The following ADAMTS18 variants were observed in gnomAD, a reference collection of about 807,000 sequenced individuals.
ADAMTS18 encodes the protein A disintegrin and metalloproteinase with thrombospondin motifs 18.
ADAMTS18 carries 157 observed loss-of-function variants against 165.9 expected under a neutral mutation model. That is an observed-to-expected ratio of 0.95 (90% CI 0.83 to 1.08). The LOEUF is 1.08. Among genes scored for constraint, ADAMTS18 ranks in the 50% least tolerant of loss-of-function variants. ADAMTS18 has a pLI of 0.00. For synonymous variants in ADAMTS18, 782 were observed against 578.2 expected (o/e 1.35, Z -5.06); for missense variants, 2,040 against 1,534.0 (o/e 1.33, Z -5.51).
intron 3 of ADAMTS18, among the ~76,000 whole-genome samples, chr16:77,424,802 C>T (rs923794743): frequency 6.6e-6 from 1 of 152,170 alleles, no homozygotes; most frequent in Admixed American, 6.5e-5. Context: ...AAATACAACC[C>T]AGTCTAATCC....
rs575041243 is a variant in ADAMTS18, at chr16:77,383,537, G to A, written c.496-15814C>T. ...TTCATGTAGGTTTTTGTCCAAAGGCGACCTCTTTTTTGTTGTTGTTGTTGG... is the reference window on the plus strand; with the variant it reads ...TTCATGTAGGTTTTTGTCCAAAGGCAACCTCTTTTTTGTTGTTGTTGTTGG... On this transcript the variant is annotated intron_variant, in intron 3 of 22. Coordinates refer to ENST00000282849, the MANE Select transcript of ADAMTS18 (RefSeq NM_199355.4). 2.7e-3 allele frequency among the ~76,000 whole-genome samples: 388 copies of A among 143,398 alleles called. 1 individual carries two copies. The highest frequency in any genetic ancestry group is 9.1e-3 in the African/African-American group (364 of 39,896). 94.1% of individuals were successfully genotyped at this position (143,398 alleles called of 152,430 possible). A position where few individuals can be genotyped will look rare whatever the true frequency, so the allele number is the denominator to read the frequency against.
chr16:77,430,187 A>G (rs778990198), intron 3 of ADAMTS18, among the ~76,000 whole-genome samples: 34 of 152,180 alleles, frequency 2.2e-4, no homozygotes, highest in Non-Finnish European at 3.5e-4. Context: ...AAAACAAGAT[A>G]TAGTCATGTG....
chr16:77,405,727 G>A (rs188988087), intron 3 of ADAMTS18, among the ~76,000 whole-genome samples: 1 of 152,090 alleles, frequency 6.6e-6, no homozygotes, highest in Non-Finnish European at 1.5e-5. Context: ...GGTTCCTGAT[G>A]AGGGCTGACT....
intron 16 of ADAMTS18, among the ~76,000 whole-genome samples, chr16:77,315,762 C>T (rs1446628004): frequency 6.6e-6 from 1 of 152,176 alleles, no homozygotes. Context: ...GTGCCCTGCT[C>T]AGTTAACAAA....
Position 77,283,993 on chromosome 16 carries a change from C to A in ADAMTS18, c.3629G>T (p.Gly1210Val), listed in dbSNP as rs897771530. Residue 1210 changes from glycine to valine, a missense_variant, in exon 23 of 23, where the codon GGA becomes GTA. Gly to Val is a moderately radical substitution (Grantham distance 109, BLOSUM62 -3). Coordinates refer to ENST00000282849, the MANE Select transcript of ADAMTS18 (RefSeq NM_199355.4). Reference protein sequence around the residue: ...QHGVCNHKFYGKQCCKSCTRK... With the variant: ...QHGVCNHKFYVKQCCKSCTRK... The stretch of plus-strand genomic sequence containing the variant: ...TGTGCATGACTTGCAGCATTGTTTT[C>A]CGTAAAACTTGTGGTTGCAGACACC... The A allele has an allele frequency of 3.1e-6, 5 of 1,613,994 alleles. No homozygotes were observed. The highest frequency in any genetic ancestry group is 4.2e-6 in the Non-Finnish European group (5 of 1,179,928).
At chr16:77,434,320 G>A in intron 2 of ADAMTS18, 98 bp downstream of exon 2, 1 of 1,376,742 alleles carries the variant, frequency 7.3e-7, no homozygotes, top group Non-Finnish European at 1.0e-6. Context: ...CACCTGCCAG[G>A]TTAGGGGGTG....
At chr16:77,390,689 CA>C (rs149079892) in intron 3 of ADAMTS18, among the ~76,000 whole-genome samples, 4 of 142,520 alleles carry the variant, frequency 2.8e-5, no homozygotes, top group African/African-American at 1.1e-4. Flanking sequence ...GACTCCATCT[CA>C]AAAAAAAAGA....
At chr16:77,303,284 C>A (rs553854345) in intron 16 of ADAMTS18, among the ~76,000 whole-genome samples, 1 of 152,308 alleles carries the variant, frequency 6.6e-6, no homozygotes, top group Admixed American at 6.5e-5. Flanking sequence ...GGCTACCATA[C>A]TGGATGCATG....
chr16:77,323,611 A>G (rs953928847), intron 13 of ADAMTS18, among the ~76,000 whole-genome samples: 2 of 152,034 alleles, frequency 1.3e-5, no homozygotes, highest in African/African-American at 4.8e-5. Flanking sequence ...GAGTCCATTA[A>G]AAACACAGAG....
intron 3 of ADAMTS18, among the ~76,000 whole-genome samples, chr16:77,417,970 G>T (rs1597250579): frequency 6.6e-6 from 1 of 152,194 alleles, no homozygotes; most frequent in Non-Finnish European, 1.5e-5. Flanking sequence ...CAAAAGCCCA[G>T]AAACAGAATC....
chr16:77,322,753 G>A (rs1010886747), intron 13 of ADAMTS18, among the ~76,000 whole-genome samples: 4 of 152,100 alleles, frequency 2.6e-5, no homozygotes, highest in Non-Finnish European at 5.9e-5. Context: ...AGCCTCCCTG[G>A]ATAGTAAACC....
intron 12 of ADAMTS18, among the ~76,000 whole-genome samples, chr16:77,334,198 TAC>T (rs1254005561): frequency 8.8e-5 from 7 of 79,284 alleles, no homozygotes; most frequent in African/African-American, 3.4e-4. Flanking sequence ...TGTTATATAT[TAC>T]ATATAATATA....
chr16:77,368,278 G>A (rs187735890), intron 3 of ADAMTS18, among the ~76,000 whole-genome samples: 14 of 152,256 alleles, frequency 9.2e-5, no homozygotes, highest in Admixed American at 5.2e-4. Context: ...CCACTGGGCT[G>A]CCAGCCCTGA....
At chr16:77,420,737 T>C (rs1273559142) in intron 3 of ADAMTS18, among the ~76,000 whole-genome samples, 1 of 152,196 alleles carries the variant, frequency 6.6e-6, no homozygotes, top group African/African-American at 2.4e-5. Flanking sequence ...TGTGGTAATA[T>C]TTTTTTCCCA....
chr16:77,398,172 C>G (rs1056278618), intron 3 of ADAMTS18, among the ~76,000 whole-genome samples: 3 of 152,002 alleles, frequency 2.0e-5, no homozygotes, highest in Admixed American at 6.6e-5. Context: ...CAAAAATTAG[C>G]CGGATGTGGT....
chr16:77,299,178 A>C (rs2055533696), intron 17 of ADAMTS18, among the ~76,000 whole-genome samples: 2 of 152,252 alleles, frequency 1.3e-5, no homozygotes, highest in South Asian at 4.1e-4. Flanking sequence ...AGAGGGATAC[A>C]AAATGATACT....
rs149782401 is a variant in ADAMTS18, at chr16:77,370,851, A to G, written c.496-3128T>C. Among the ~76,000 whole-genome samples the G allele has an allele frequency of 3.1e-4, 47 of 152,258 alleles. No individual in the cohort carries two copies. The East Asian group carries it at 8.9e-3, about 29-fold the overall frequency. ...AATCAATTTAACCAAGGAGGTGAAGATCTCTACAATGAAAACTATAAAACA... is the reference window on the plus strand; with the variant it reads ...AATCAATTTAACCAAGGAGGTGAAGGTCTCTACAATGAAAACTATAAAACA... On this transcript the variant is annotated intron_variant, in intron 3 of 22. Coordinates refer to ENST00000282849, the MANE Select transcript of ADAMTS18 (RefSeq NM_199355.4).
Position 77,321,079 on chromosome 16 carries a change from C to T in ADAMTS18, c.2287G>A (p.Glu763Lys). The change falls in exon 15 of 23, where the codon GAA becomes AAA. Residue 763 changes from glutamate (E) to lysine (K), a missense_variant and splice_region_variant. Glu to Lys is a moderately conservative substitution (Grantham distance 56). Transcript: ENST00000282849. ...GLYLNQHKANEYYPVVLIPAG... is the reference protein window; with the variant it reads ...GLYLNQHKANKYYPVVLIPAG... ...AATAACAAACAGCAGCATCTCTCAC[C>T]ATTTGCTTTATGCTGGTTGAGGTAC... is the stretch of plus-strand genomic sequence containing the variant. 2 of 1,614,140 alleles carry T rather than the reference C, an allele frequency of 1.2e-6. No individual in the cohort carries two copies. Among genetic ancestry groups the T allele is most frequent in the Non-Finnish European group, 1.7e-6 (2 of 1,180,008 alleles).
Position 77,300,317 on chromosome 16 carries a change from G to A in ADAMTS18, c.2620C>T (p.Pro874Ser). 6.2e-7 allele frequency: 1 copy of A among 1,614,104 alleles called. No individual in the cohort carries two copies. The highest frequency in any genetic ancestry group is 8.5e-7 in the Non-Finnish European group (1 of 1,179,992). ...TGCACGATACTCCAGGTATAGGCAG[G>A]TCTTTTTGTGGCTGGTGGAGTTCCA... ...MNGTPPATKR[P>S]AYTWSIVQSE... is the part of the protein sequence containing the mutation. The change falls in exon 17 of 23, where the codon CCT becomes TCT. Residue 874 changes from proline (P) to serine (S), a missense_variant. By Grantham distance (74) the Pro-to-Ser change is moderately conservative. Transcript: ENST00000282849.
Sources: gnomAD v4.1 joint callset for allele counts (sites outside exome capture counted in the v4.1 genomes callset) on GRCh38, gnomAD v4.1.1 for gene constraint, MANE v1.5 for transcripts, NCBI Gene and HGNC (gene_info 2026-07-23, HGNC 2026-07-21) for gene names.